The following SPAG16 variants were observed in gnomAD, a reference collection of about 807,000 sequenced individuals.
SPAG16 encodes the protein sperm-associated antigen 16 protein.
A neutral mutation model predicts 80.4 loss-of-function variants in SPAG16; 86 were observed. The ratio of observed to expected loss-of-function variants is 1.07; its 90% CI spans 0.90 to 1.28. The LOEUF is 1.28. Among genes scored for constraint, SPAG16 ranks in the 50% most tolerant of loss-of-function variants. The pLI is 0.00. For missense variants in SPAG16, 870 were observed against 765.3 expected (o/e 1.14, Z -1.61); for synonymous variants, 294 against 265.9 (o/e 1.11, Z -1.03).
At chr2:213,393,040 C>T (rs1051661185) in intron 9 of SPAG16, among the ~76,000 whole-genome samples, 6 of 151,924 alleles carry the variant, frequency 3.9e-5, no homozygotes, top group Non-Finnish European at 5.9e-5. Context: ...CATTATTACA[C>T]TAAATATATT....
At chr2:213,768,096 AAGGAAAGGGTATCTAGTGAAG>A (rs2069038398) in intron 10 of SPAG16, among the ~76,000 whole-genome samples, 1 of 152,170 alleles carries the variant, frequency 6.6e-6, no homozygotes, top group South Asian at 2.1e-4. Context: ...AGGCAATAAG[AAGGAAAGGGTATCTAGTGAAG>A]AGGAAAGAAC....
intron 10 of SPAG16, among the ~76,000 whole-genome samples, chr2:213,795,366 T>G (rs1559475133): frequency 6.6e-6 from 1 of 152,222 alleles, no homozygotes; most frequent in Non-Finnish European, 1.5e-5. Flanking sequence ...AAAAGGTTAC[T>G]AATACCACTA....
Position 214,258,461 on chromosome 2 carries a change from A to ATGTG in SPAG16, c.1720+109203_1720+109206dup, listed in dbSNP as rs1319528567. 3.7e-5 allele frequency among the ~76,000 whole-genome samples: 4 copies of ATGTG among 109,310 alleles called. 1 individual carries two copies. The highest frequency in any genetic ancestry group is 1.1e-4 in the African/African-American group (4 of 35,328). The allele number at this position is 109,310 out of a possible 152,430, so 71.7% of individuals were successfully genotyped here. A position where few individuals can be genotyped will look rare whatever the true frequency, so the allele number is the denominator to read the frequency against. On this transcript the variant is annotated intron_variant, in intron 15 of 15. Transcript: ENST00000331683. Reference sequence around the variant, plus strand: ...GTAGTATCCCACAGTGTGTGTATGTATGTGTGTGTGTATATATATATATAT... The same window carrying ATGTG: ...GTAGTATCCCACAGTGTGTGTATGTATGTGTGTGTGTGTGTATATATATATATAT...
At chr2:213,600,064 T>C (rs2061010730) in intron 10 of SPAG16, among the ~76,000 whole-genome samples, 2 of 152,198 alleles carry the variant, frequency 1.3e-5, no homozygotes. Flanking sequence ...CTAATCCCCA[T>C]ATTGTTCCAG....
intron 10 of SPAG16, among the ~76,000 whole-genome samples, chr2:213,731,608 C>T (rs896436250): frequency 3.9e-5 from 6 of 152,066 alleles, no homozygotes; most frequent in African/African-American, 1.4e-4. Flanking sequence ...CTTCCATTGG[C>T]TCTTCTTCCT....
At chr2:213,786,732 A>G (rs1428395844) in intron 10 of SPAG16, among the ~76,000 whole-genome samples, 2 of 152,174 alleles carry the variant, frequency 1.3e-5, no homozygotes, top group African/African-American at 2.4e-5. Flanking sequence ...TAATGTGTTC[A>G]GCATAGATTA....
intron 10 of SPAG16, among the ~76,000 whole-genome samples, chr2:213,609,220 T>C (rs570416955): frequency 6.6e-6 from 1 of 152,340 alleles, no homozygotes; most frequent in East Asian, 1.9e-4. Flanking sequence ...GGAAGCCTTT[T>C]TGCAGCTATC....
intron 10 of SPAG16, among the ~76,000 whole-genome samples, chr2:213,662,243 G>C (rs995493950): frequency 6.6e-6 from 1 of 152,106 alleles, no homozygotes; most frequent in African/African-American, 2.4e-5. Flanking sequence ...TCTGAAGTAT[G>C]AGTAGCAGAC....
intron 13 of SPAG16, among the ~76,000 whole-genome samples, chr2:214,061,268 G>A (rs1218175362): frequency 6.6e-6 from 1 of 152,156 alleles, no homozygotes; most frequent in Admixed American, 6.5e-5. Flanking sequence ...ATGGTGCTGG[G>A]AATTATGCGT....
At chr2:213,479,642 G>T (rs2073644148) in intron 9 of SPAG16, among the ~76,000 whole-genome samples, 1 of 152,122 alleles carries the variant, frequency 6.6e-6, no homozygotes, top group Admixed American at 6.6e-5. Context: ...TCCACCATTT[G>T]TTGGAACTGA....
At chr2:214,073,954 G>T (rs2050935736) in intron 13 of SPAG16, among the ~76,000 whole-genome samples, 1 of 152,180 alleles carries the variant, frequency 6.6e-6, no homozygotes, top group Non-Finnish European at 1.5e-5. Context: ...GAATGTTTGT[G>T]TCCCTTCTAA....
chr2:214,031,147 T>C (rs1215924463), intron 13 of SPAG16, among the ~76,000 whole-genome samples: 1 of 152,000 alleles, frequency 6.6e-6, no homozygotes, highest in Non-Finnish European at 1.5e-5. Context: ...GTTTTCCTTC[T>C]AACAGACAGA....
intron 12 of SPAG16, among the ~76,000 whole-genome samples, chr2:213,997,752 T>C (rs575256490): frequency 1.7e-4 from 26 of 152,188 alleles, no homozygotes; most frequent in Non-Finnish European, 3.4e-4. Flanking sequence ...TATAAAAAAA[T>C]TGCCAGTCTC....
At chr2:213,936,506 T>C (rs2078994520) in intron 12 of SPAG16, among the ~76,000 whole-genome samples, 1 of 152,176 alleles carries the variant, frequency 6.6e-6, no homozygotes, top group African/African-American at 2.4e-5. Context: ...GGGGAACTAT[T>C]GTAGCAATCC....
intron 3 of SPAG16, among the ~76,000 whole-genome samples, chr2:213,304,461 C>G (rs531039062): frequency 3.9e-5 from 6 of 152,104 alleles, no homozygotes; most frequent in African/African-American, 1.4e-4. Context: ...AGACCAGTGT[C>G]CTGAAGAGTT....
At chr2:213,589,908 C>T (rs973199088) in intron 10 of SPAG16, among the ~76,000 whole-genome samples, 4 of 136,462 alleles carry the variant, frequency 2.9e-5, no homozygotes, top group East Asian at 4.0e-4. Context: ...GGCAACAGAA[C>T]GAAACTCCAT....
At chr2:213,395,797 C>T (rs184972692) in intron 9 of SPAG16, among the ~76,000 whole-genome samples, 12 of 152,202 alleles carry the variant, frequency 7.9e-5, no homozygotes, top group Non-Finnish European at 1.6e-4. Flanking sequence ...TGAGTCTACA[C>T]CACTTTGGCT....
chr2:213,329,226 A>G (rs1030938538), intron 5 of SPAG16, among the ~76,000 whole-genome samples: 2 of 152,232 alleles, frequency 1.3e-5, no homozygotes, highest in Non-Finnish European at 2.9e-5. Flanking sequence ...AAGTGACTTT[A>G]GAACTGGGTA....
At chr2:213,327,633 G>C (rs1474469157) in intron 5 of SPAG16, among the ~76,000 whole-genome samples, 1 of 152,092 alleles carries the variant, frequency 6.6e-6, no homozygotes, top group Non-Finnish European at 1.5e-5. Flanking sequence ...GCTCATTTAT[G>C]TAATTCAAGT....
Sources: gnomAD v4.1 joint callset for allele counts (sites outside exome capture counted in the v4.1 genomes callset) on GRCh38, gnomAD v4.1.1 for gene constraint, MANE v1.5 for transcripts, NCBI Gene and HGNC (gene_info 2026-07-23, HGNC 2026-07-21) for gene names.